LDB2: variants seen among roughly 807,000 people sequenced by gnomAD.
LDB2 encodes LIM domain-binding protein 2.
In LDB2, 12 loss-of-function variants were observed where a neutral mutation model predicts 44.3. That is an observed-to-expected ratio of 0.27 (90% CI 0.17 to 0.44). LDB2 has a LOEUF of 0.44. Ranked by LOEUF, LDB2 falls within the 20% of genes least tolerant of loss-of-function variation. The pLI is 1.00. For synonymous variants in LDB2, 164 were observed against 174.8 expected, an observed-to-expected ratio of 0.94 and a Z score of 0.49; for missense variants, 344 against 473.5, an observed-to-expected ratio of 0.73 and a Z score of 2.54.
At chr4:16,881,768 G>A (rs1720202277) in intron 1 of LDB2, among the ~76,000 whole-genome samples, 1 of 152,000 alleles carries the variant, frequency 6.6e-6, no homozygotes, top group Non-Finnish European at 1.5e-5. Flanking sequence ...GTCTTCAGTG[G>A]ACTTTAAAAA....
intron 1 of LDB2, among the ~76,000 whole-genome samples, chr4:16,797,934 C>T (rs1777055878): frequency 6.6e-6 from 1 of 150,476 alleles, no homozygotes; most frequent in African/African-American, 2.4e-5. Flanking sequence ...ACTTGGGAGG[C>T]TGAGGCAGGA....
intron 5 of LDB2, among the ~76,000 whole-genome samples, chr4:16,569,833 G>A (rs1224115619): frequency 6.6e-6 from 1 of 152,142 alleles, no homozygotes; most frequent in East Asian, 1.9e-4. Flanking sequence ...ATGTTTAGCT[G>A]TCTTATTTTA....
intron 2 of LDB2, among the ~76,000 whole-genome samples, chr4:16,714,951 C>T (rs1756756364): frequency 6.6e-6 from 1 of 152,144 alleles, no homozygotes; most frequent in Non-Finnish European, 1.5e-5. Context: ...TTTACACCTG[C>T]AAAGACCCTA....
chr4:16,821,764 A>AAAAAAAT, intron 1 of LDB2, among the ~76,000 whole-genome samples: 1 of 150,262 alleles, frequency 6.7e-6, no homozygotes, highest in African/African-American at 2.4e-5. Context: ...AAAAAAAAAA[A>AAAAAAAT]AAAAAATCAG....
chr4:16,659,671 G>GTATA (rs58539901), intron 2 of LDB2, among the ~76,000 whole-genome samples: 2,229 of 133,560 alleles, frequency 0.017, 74 homozygotes, highest in African/African-American at 0.056. Flanking sequence ...ATCTATGTGT[G>GTATA]TATATATATA....
intron 2 of LDB2, among the ~76,000 whole-genome samples, chr4:16,691,639 A>C (rs191445551): frequency 2.8e-4 from 42 of 152,300 alleles, no homozygotes; most frequent in African/African-American, 9.6e-4. Flanking sequence ...TGGCCAACAC[A>C]TGTGAGATCA....
chr4:16,717,814 G>C (rs1214811220), intron 2 of LDB2, among the ~76,000 whole-genome samples: 1 of 152,062 alleles, frequency 6.6e-6, no homozygotes, highest in African/African-American at 2.4e-5. Context: ...GGCTTCCCAG[G>C]CTCAAATCTT....
At chr4:16,824,229 G>T (rs1226137349) in intron 1 of LDB2, among the ~76,000 whole-genome samples, 1 of 152,214 alleles carries the variant, frequency 6.6e-6, no homozygotes, top group African/African-American at 2.4e-5. Context: ...GTATGTGTGT[G>T]TGTGTGTGTA....
chr4:16,897,591 C>T (rs539174748), intron 1 of LDB2, among the ~76,000 whole-genome samples: 2 of 152,204 alleles, frequency 1.3e-5, no homozygotes, highest in South Asian at 4.1e-4. Context: ...GAGTCTCCCT[C>T]TCTCAGGCAC....
intron 1 of LDB2, among the ~76,000 whole-genome samples, chr4:16,809,854 T>C (rs1779490273): frequency 2.6e-5 from 4 of 152,220 alleles, no homozygotes; most frequent in Admixed American, 2.6e-4. Context: ...GAGTGGATCA[T>C]AGCAGGATGG....
intron 1 of LDB2, among the ~76,000 whole-genome samples, chr4:16,798,770 G>A (rs1333813141): frequency 6.6e-6 from 1 of 152,246 alleles, no homozygotes; most frequent in East Asian, 1.9e-4. Context: ...AGCCTCGAAA[G>A]CTGGACTCTG....
chr4:16,598,898 T>C (rs1191517919), intron 2 of LDB2, among the ~76,000 whole-genome samples: 1 of 149,708 alleles, frequency 6.7e-6, no homozygotes, highest in Non-Finnish European at 1.5e-5. Context: ...TTTTTTAAAT[T>C]GGCTCAAGCT....
intron 2 of LDB2, among the ~76,000 whole-genome samples, chr4:16,681,843 T>A (rs1010856601): frequency 6.6e-6 from 1 of 152,046 alleles, no homozygotes; most frequent in Non-Finnish European, 1.5e-5. Flanking sequence ...AGTGCTGGGA[T>A]TACAGGCGTG....
chr4:16,718,663 A>G (rs1448933038), intron 2 of LDB2, among the ~76,000 whole-genome samples: 1 of 151,548 alleles, frequency 6.6e-6, no homozygotes. Flanking sequence ...AGAATCACGG[A>G]GTACTTCCTA....
intron 2 of LDB2, among the ~76,000 whole-genome samples, chr4:16,669,461 T>C (rs1578635608): frequency 6.6e-6 from 1 of 152,162 alleles, no homozygotes; most frequent in African/African-American, 2.4e-5. Flanking sequence ...ATCAAGTTCT[T>C]CCAGCCTATA....
At chr4:16,709,731 A>G (rs1755447119) in intron 2 of LDB2, among the ~76,000 whole-genome samples, 2 of 152,214 alleles carry the variant, frequency 1.3e-5, no homozygotes, top group South Asian at 4.1e-4. Flanking sequence ...ACTGAATTGG[A>G]GAATTCAGAA....
intron 5 of LDB2, among the ~76,000 whole-genome samples, chr4:16,561,878 C>T (rs369739855): frequency 1.7e-4 from 26 of 152,206 alleles, no homozygotes; most frequent in African/African-American, 4.8e-4. Flanking sequence ...GAGATATAGA[C>T]CAATGGAACA....
chr4:16,671,001 A>G (rs1168910570), intron 2 of LDB2, among the ~76,000 whole-genome samples: 1 of 152,152 alleles, frequency 6.6e-6, no homozygotes, highest in Non-Finnish European at 1.5e-5. Flanking sequence ...GGGGAACTGT[A>G]GAACCCACAG....
intron 2 of LDB2, among the ~76,000 whole-genome samples, chr4:16,708,242 G>C (rs959231504): frequency 1.3e-5 from 2 of 152,042 alleles, no homozygotes; most frequent in African/African-American, 4.8e-5. Context: ...AGCTACTCAG[G>C]GAGATGAAGT....
Sources: gnomAD v4.1 joint callset for allele counts (sites outside exome capture counted in the v4.1 genomes callset) on GRCh38, gnomAD v4.1.1 for gene constraint, MANE v1.5 for transcripts, NCBI Gene and HGNC (gene_info 2026-07-23, HGNC 2026-07-21) for gene names.